CUEDC1: variants seen among roughly 807,000 people sequenced by gnomAD.
The protein encoded by CUEDC1 is CUE domain-containing protein 1.
In CUEDC1, 30 loss-of-function variants were observed where a neutral mutation model predicts 43.7. The observed-to-expected ratio is 0.69, with a 90% CI of 0.51 to 0.93. CUEDC1 has a LOEUF of 0.93. CUEDC1 is among the 40% of genes least tolerant of loss of function. The probability of loss-of-function intolerance (pLI) is 0.00; values close to 1 mark genes in which losing one functional copy is unlikely to be tolerated. For missense variants in CUEDC1, 486 were observed against 549.0 expected, an observed-to-expected ratio of 0.89 and a Z score of 1.15; for synonymous variants, 223 against 223.6, an observed-to-expected ratio of 1.00 and a Z score of 0.02.
intron 1 of CUEDC1, among the ~76,000 whole-genome samples, chr17:57,926,813 C>T (rs2074751821): frequency 6.6e-6 from 1 of 152,112 alleles, no homozygotes; most frequent in African/African-American, 2.4e-5. Context: ...CTCATGTATC[C>T]ACCATAAAAC....
At chr17:57,942,947 G>A (rs544697969) in intron 1 of CUEDC1, among the ~76,000 whole-genome samples, 539 of 152,220 alleles carry the variant, frequency 3.5e-3, no homozygotes, top group Non-Finnish European at 5.4e-3. Context: ...AGAATGGCAT[G>A]AACCCAGGAG....
At chr17:57,897,976 G>A (rs916578656) in intron 1 of CUEDC1, among the ~76,000 whole-genome samples, 1 of 152,208 alleles carries the variant, frequency 6.6e-6, no homozygotes, top group Non-Finnish European at 1.5e-5. Context: ...TTGCACCACT[G>A]CACTCCAGCC....
intron 1 of CUEDC1, among the ~76,000 whole-genome samples, chr17:57,944,195 T>TA (rs1485838999): frequency 0.016 from 2,259 of 141,122 alleles, 20 homozygotes; most frequent in Non-Finnish European, 0.019. Context: ...ATTATTTATT[T>TA]TTTTATATAT....
chr17:57,934,995 A>G (rs1250616816), intron 1 of CUEDC1, among the ~76,000 whole-genome samples: 1 of 152,194 alleles, frequency 6.6e-6, no homozygotes, highest in East Asian at 1.9e-4. Flanking sequence ...GGCATGAGCC[A>G]CCACACCCAG....
chr17:57,903,042 A>G (rs2074490566), intron 1 of CUEDC1: 1 of 152,370 alleles, frequency 6.6e-6, no homozygotes, highest in South Asian at 2.1e-4. Context: ...GTCTTCCAGG[A>G]GGGCTGGGCA....
chr17:57,894,117 G>A (rs1374743457), intron 1 of CUEDC1, among the ~76,000 whole-genome samples: 1 of 152,146 alleles, frequency 6.6e-6, no homozygotes, highest in Non-Finnish European at 1.5e-5. Flanking sequence ...ACCAAACCAT[G>A]AGGATTTGAT....
At chr17:57,881,496 G>T (rs1320288844) in intron 2 of CUEDC1, among the ~76,000 whole-genome samples, 1 of 152,236 alleles carries the variant, frequency 6.6e-6, no homozygotes, top group Non-Finnish European at 1.5e-5. Flanking sequence ...TGCATTCTGA[G>T]AACTTGCTGC....
chr17:57,913,578 A>G (rs2074606924), intron 1 of CUEDC1, among the ~76,000 whole-genome samples: 1 of 152,214 alleles, frequency 6.6e-6, no homozygotes, highest in Non-Finnish European at 1.5e-5. Context: ...AGAGGAGTGC[A>G]GGGAGGAGCA....
rs769007096 is a variant in CUEDC1, at chr17:57,908,462, G to A, written c.-315-22583C>T. 2.6e-5 allele frequency among the ~76,000 whole-genome samples: 4 copies of A among 152,326 alleles called. No homozygotes were observed. In the East Asian group the frequency reaches 7.7e-4, roughly 29 times the overall value. ...GCCAAGACAGGCTTCCCAGGGGCAC[G>A]GTTTCCTGAGGTTTAGCCACATATC... On this transcript the variant is annotated intron_variant, in intron 1 of 10. Transcript: ENST00000577830.
intron 1 of CUEDC1, among the ~76,000 whole-genome samples, chr17:57,911,795 C>T (rs888184793): frequency 1.3e-5 from 2 of 152,180 alleles, no homozygotes; most frequent in African/African-American, 4.8e-5. Context: ...GCATGAGCCA[C>T]CGTGCCCGTC....
intron 1 of CUEDC1, among the ~76,000 whole-genome samples, chr17:57,929,507 T>C (rs1249481038): frequency 6.6e-6 from 1 of 152,182 alleles, no homozygotes; most frequent in Non-Finnish European, 1.5e-5. Flanking sequence ...TTAAAATGTT[T>C]CTAGCAATCT....
intron 1 of CUEDC1, among the ~76,000 whole-genome samples, chr17:57,924,374 G>T (rs1037409426): frequency 1.3e-5 from 2 of 152,148 alleles, no homozygotes; most frequent in African/African-American, 2.4e-5. Context: ...AAAGTGCTGG[G>T]ATTATAGGCG....
In CUEDC1 at chr17:57,873,620, T is replaced by C; in HGVS notation, c.562A>G (p.Ile188Val). The change falls in exon 4 of 11, where the codon ATC becomes GTC. Residue 188 changes from isoleucine (I) to valine (V), a missense_variant. By Grantham distance (29) the Ile-to-Val change is conservative (BLOSUM62 3). Coordinates refer to ENST00000577830, the MANE Select transcript of CUEDC1 (RefSeq NM_001271875.2). Reference sequence around the variant, plus strand: ...ATGCTGTCCAGCTGCTGGGGCAGGATGCGGAGAAAGTCATCCGGAAGGTTG... The same window carrying C: ...ATGCTGTCCAGCTGCTGGGGCAGGACGCGGAGAAAGTCATCCGGAAGGTTG... Reference protein sequence around the residue: ...LGNLPDDFLRILPQQLDSIQG... With the variant: ...LGNLPDDFLRVLPQQLDSIQG... 1.2e-6 allele frequency: 2 copies of C among 1,600,548 alleles called. No homozygotes were observed. The highest frequency in any genetic ancestry group is 1.1e-5 in the South Asian group (1 of 88,974).
intron 1 of CUEDC1, among the ~76,000 whole-genome samples, chr17:57,894,037 G>A (rs1215173125): frequency 6.6e-6 from 1 of 152,194 alleles, no homozygotes; most frequent in Non-Finnish European, 1.5e-5. Flanking sequence ...AGGTTGCAGT[G>A]AGCCAAGATC....
intron 1 of CUEDC1, among the ~76,000 whole-genome samples, chr17:57,902,334 G>T (rs1253543434): frequency 6.6e-6 from 1 of 152,174 alleles, no homozygotes; most frequent in African/African-American, 2.4e-5. Flanking sequence ...ATCTCAAAAA[G>T]AGAAACGATG....
chr17:57,877,583 A>AC (rs1347841969), intron 3 of CUEDC1, among the ~76,000 whole-genome samples: 1 of 151,478 alleles, frequency 6.6e-6, no homozygotes, highest in Non-Finnish European at 1.5e-5. Flanking sequence ...AATATTAAAA[A>AC]AAAAAAAAAA....
chr17:57,940,969 C>T (rs369422071), intron 1 of CUEDC1, among the ~76,000 whole-genome samples: 7 of 152,228 alleles, frequency 4.6e-5, no homozygotes, highest in African/African-American at 1.7e-4. Context: ...GTCCTAGTGA[C>T]TCCAGGAGGG....
At chr17:57,941,229 C>T (rs1048147543) in intron 1 of CUEDC1, among the ~76,000 whole-genome samples, 1 of 152,246 alleles carries the variant, frequency 6.6e-6, no homozygotes, top group African/African-American at 2.4e-5. Flanking sequence ...CTCCCTGTTT[C>T]ATTTTAACTG....
chr17:57,910,884 C>T (rs572610972), intron 1 of CUEDC1, among the ~76,000 whole-genome samples: 1 of 152,070 alleles, frequency 6.6e-6, no homozygotes, highest in African/African-American at 2.4e-5. Context: ...CACAGTACCC[C>T]CTGGCTTTGC....
Sources: gnomAD v4.1 joint callset for allele counts (sites outside exome capture counted in the v4.1 genomes callset) on GRCh38, gnomAD v4.1.1 for gene constraint, MANE v1.5 for transcripts, NCBI Gene and HGNC (gene_info 2026-07-23, HGNC 2026-07-21) for gene names.